The following RICTOR variants were observed in gnomAD, a reference collection of about 807,000 sequenced individuals.
RICTOR encodes the protein rapamycin-insensitive companion of mTOR.
RICTOR carries 49 observed loss-of-function variants against 214.9 expected under a neutral mutation model. That is an observed-to-expected ratio of 0.23 (90% CI 0.18 to 0.29). The LOEUF is 0.29. Ranked by LOEUF, RICTOR falls within the 10% of genes least tolerant of loss-of-function variation. The pLI is 1.00. For missense variants in RICTOR, 1,625 were observed against 2,047.0 expected, an observed-to-expected ratio of 0.79 and a Z score of 3.98; for synonymous variants, 717 against 711.3, an observed-to-expected ratio of 1.01 and a Z score of -0.13.
chr5:38,960,982 C>T (rs1042127741), intron 19 of RICTOR, among the ~76,000 whole-genome samples: 2 of 152,020 alleles, frequency 1.3e-5, no homozygotes, highest in African/African-American at 4.8e-5. Flanking sequence ...AATTGTGAGT[C>T]AATTAAACCT....
Position 39,020,895 on chromosome 5 carries a change from CA to C in RICTOR, c.195+143del, listed in dbSNP as rs575901537. On this transcript the variant is annotated intron_variant, in intron 3 of 37. Transcript: ENST00000357387. ...AAATACATTTTTAAGATACACTGGACAAAATCCATGAGAAGCAGGAAAGAAA... is the reference window on the plus strand; with the variant it reads ...AAATACATTTTTAAGATACACTGGACAAATCCATGAGAAGCAGGAAAGAAA... 153 of 602,000 alleles carry C rather than the reference CA, an allele frequency of 2.5e-4. No individual in the cohort carries two copies. The East Asian group carries it at 4.2e-3, about 16-fold the overall frequency. 37.3% of individuals were successfully genotyped at this position (602,000 alleles called of 1,614,324 possible).
intron 2 of RICTOR, among the ~76,000 whole-genome samples, chr5:39,066,584 CA>C (rs1310911575): frequency 6.6e-6 from 1 of 152,352 alleles, no homozygotes; most frequent in African/African-American, 2.4e-5. Flanking sequence ...GGCTAGGCTG[CA>C]AATTTCCCAA....
intron 2 of RICTOR, among the ~76,000 whole-genome samples, chr5:39,052,224 A>T (rs543817415): frequency 2.6e-4 from 40 of 152,256 alleles, no homozygotes; most frequent in African/African-American, 7.9e-4. Flanking sequence ...AAAAATTTTT[A>T]AATTAGCCAG....
intron 7 of RICTOR, among the ~76,000 whole-genome samples, chr5:38,984,610 G>C (rs979336919): frequency 5.9e-5 from 9 of 151,906 alleles, no homozygotes; most frequent in African/African-American, 1.9e-4. Context: ...AAATCAACAA[G>C]TATTGTGGTC....
chr5:39,063,833 GT>G (rs1332994618), intron 2 of RICTOR, among the ~76,000 whole-genome samples: 12 of 150,818 alleles, frequency 8.0e-5, no homozygotes, highest in African/African-American at 2.9e-4. Flanking sequence ...ACACAATGGG[GT>G]TAAAAAAAAA....
At chr5:38,960,255 G>T in intron 20 of RICTOR, 143 bp downstream of exon 20, 2 of 850,952 alleles carry the variant, frequency 2.4e-6, no homozygotes, top group Non-Finnish European at 1.9e-6. Context: ...TCAACTCTAG[G>T]TCTGGGATCA....
Position 38,950,709 on chromosome 5 carries a change from A to G in RICTOR, c.3139T>C (p.Leu1047=), listed in dbSNP as rs766547568. Residue 1047 remains leucine (L), a synonymous_variant, in exon 31 of 38, where the codon TTG becomes CTG. Coordinates refer to ENST00000357387, the MANE Select transcript of RICTOR (RefSeq NM_152756.5). ...SESVPSSMFI[L]EDDRFGSSST... is the part of the protein sequence containing the mutation. ...CTGCTGCCAAACCGGTCATCCTCCA[A>G]TATGAACATACCTATGATTGAAGGA... 2.6e-5 allele frequency: 42 copies of G among 1,590,554 alleles called. No individual in the cohort carries two copies. The highest frequency in any genetic ancestry group is 3.4e-5 in the Non-Finnish European group (40 of 1,169,470).
Position 39,074,171 on chromosome 5 carries a change from G to A in RICTOR, c.50-13C>T, listed in dbSNP as rs769581318. 9 of 1,590,652 alleles carry A rather than the reference G, an allele frequency of 5.7e-6. No homozygotes were observed. In the South Asian group the frequency reaches 7.9e-5, roughly 14 times the overall value. On this transcript the variant is annotated splice_polypyrimidine_tract_variant and intron_variant, in intron 1 of 37. Coordinates refer to ENST00000357387, the MANE Select transcript of RICTOR (RefSeq NM_152756.5). ...CTGTCATTCCGCCCTGCGCGAAACA[G>A]ACACACAGCCCCAATTAGGATTGGC...
Position 39,044,467 on chromosome 5 carries a change from G to A in RICTOR, c.98-23331C>T, listed in dbSNP as rs553972243. ...ATGGACAAGGGACTTACTATCTTAT[G>A]AGTAGTTATAATAATGATAGTTATA... On this transcript the variant is annotated intron_variant, in intron 2 of 37. Coordinates refer to ENST00000357387, the MANE Select transcript of RICTOR (RefSeq NM_152756.5). 3.3e-3 allele frequency among the ~76,000 whole-genome samples: 503 copies of A among 152,140 alleles called. 1 individual carries two copies. The highest frequency in any genetic ancestry group is 5.3e-3 in the Admixed American group (81 of 15,274).
chr5:39,025,549 C>T (rs917852139), intron 2 of RICTOR, among the ~76,000 whole-genome samples: 12 of 152,190 alleles, frequency 7.9e-5, no homozygotes, highest in African/African-American at 2.4e-4. Flanking sequence ...TAATGGAGAC[C>T]GAATGGCTTA....
At chr5:39,046,044 T>TAAATAAATAAATAAAC (rs1378322608) in intron 2 of RICTOR, among the ~76,000 whole-genome samples, 1 of 150,124 alleles carries the variant, frequency 6.7e-6, no homozygotes, top group Non-Finnish European at 1.5e-5. Flanking sequence ...AATAAATAAA[T>TAAATAAATAAATAAAC]AAATAAATAA....
At chr5:39,060,157 C>A (rs767755129) in intron 2 of RICTOR, among the ~76,000 whole-genome samples, 6 of 152,076 alleles carry the variant, frequency 3.9e-5, no homozygotes, top group Non-Finnish European at 5.9e-5. Context: ...AACTCCATAT[C>A]AAGTCATACT....
intron 2 of RICTOR, among the ~76,000 whole-genome samples, chr5:39,063,134 G>A (rs1758667046): frequency 6.6e-6 from 1 of 152,076 alleles, no homozygotes; most frequent in South Asian, 2.1e-4. Flanking sequence ...TACTGAAGGT[G>A]CAAGACATAT....
chr5:39,055,526 A>G (rs866949653), intron 2 of RICTOR, among the ~76,000 whole-genome samples: 2 of 148,282 alleles, frequency 1.3e-5, no homozygotes, highest in South Asian at 4.2e-4. Context: ...CCTAGACTAT[A>G]GGTCCATCAA....
intron 3 of RICTOR, among the ~76,000 whole-genome samples, chr5:39,013,728 A>G (rs1754724560): frequency 6.6e-6 from 1 of 152,104 alleles, no homozygotes; most frequent in South Asian, 2.1e-4. Flanking sequence ...CAGAGCTACA[A>G]AAAAAGTAGA....
intron 16 of RICTOR, among the ~76,000 whole-genome samples, chr5:38,964,316 CTA>C (rs900905897): frequency 6.6e-6 from 1 of 151,766 alleles, no homozygotes; most frequent in African/African-American, 2.4e-5. Flanking sequence ...TTCGTAAATT[CTA>C]TGTTTGCAGT....
Position 38,991,035 on chromosome 5 carries a change from G to A in RICTOR, c.497C>T (p.Thr166Ile), listed in dbSNP as rs1037661415. The change falls in exon 7 of 38, where the codon ACC becomes ATC. Residue 166 changes from threonine to isoleucine, a missense_variant. Around this residue, in one of 5 missense-constraint regions of RICTOR, gnomAD observed 258 missense variants for 393.7 expected, o/e 0.66. Transcript: ENST00000357387. ...VNASLFPSSV[T>I]NSLIAVGNDG... ...ATTTCCAACTGCAATTAATGAGTTGGTCACAGAACTAGGAAACAAGGAAGC... is the reference window on the plus strand; with the variant it reads ...ATTTCCAACTGCAATTAATGAGTTGATCACAGAACTAGGAAACAAGGAAGC... 6.3e-7 allele frequency: 1 copy of A among 1,599,788 alleles called. No homozygotes were observed. The highest frequency in any genetic ancestry group is 1.3e-5 in the African/African-American group (1 of 74,314).
chr5:39,005,432 T>G (rs1473946408), intron 3 of RICTOR, among the ~76,000 whole-genome samples: 2 of 152,146 alleles, frequency 1.3e-5, no homozygotes, highest in Non-Finnish European at 2.9e-5. Flanking sequence ...TTCTATTACA[T>G]GTATCTAATG....
At chr5:39,072,951 TA>T (rs1350139216) in intron 2 of RICTOR, among the ~76,000 whole-genome samples, 1 of 152,212 alleles carries the variant, frequency 6.6e-6, no homozygotes, top group Admixed American at 6.5e-5. Context: ...ATTCAGTTTA[TA>T]AAACAGTAAT....
Sources: allele counts gnomAD v4.1 joint callset (sites outside exome capture counted in the v4.1 genomes callset), GRCh38; gene constraint gnomAD v4.1.1; regional missense constraint gnomAD v4.1.1; transcripts MANE v1.5; gene names NCBI Gene and HGNC (gene_info 2026-07-23, HGNC 2026-07-21).